The following RELT variants were observed in gnomAD, a reference collection of about 807,000 sequenced individuals.
RELT encodes the protein tumor necrosis factor receptor superfamily member 19L.
Under a neutral mutation model 51.1 loss-of-function variants are expected in RELT, and 37 were observed. That is an observed-to-expected ratio of 0.72 (90% CI 0.56 to 0.95). The LOEUF (loss-of-function observed/expected upper bound fraction) is 0.95. Among genes scored for constraint, RELT ranks in the 40% least tolerant of loss-of-function variants. The probability of loss-of-function intolerance (pLI) is 0.00; values close to 1 mark genes in which losing one functional copy is unlikely to be tolerated. For missense variants in RELT, 535 were observed against 572.6 expected, an observed-to-expected ratio of 0.93 and a Z score of 0.67; for synonymous variants, 241 against 235.7, an observed-to-expected ratio of 1.02 and a Z score of -0.21.
In RELT at chr11:73,390,890, C is replaced by G; in HGVS notation, c.256C>G (p.Arg86Gly). 2 of 1,613,392 alleles carry G rather than the reference C, an allele frequency of 1.2e-6. No homozygotes were observed. Among genetic ancestry groups the G allele is most frequent in the Non-Finnish European group, 1.7e-6 (2 of 1,179,874 alleles). ...GGAGGCCCAGGTGGGCATGGCAACT[C>G]GAGATACACTCTGTGGAGACTGCTG... ...RLEAQVGMAT[R>G]DTLCGDCWPG... The change falls in exon 4 of 11, where the codon CGA becomes GGA. Residue 86 changes from arginine (R) to glycine (G), a missense_variant. Coordinates refer to ENST00000064780, the MANE Select transcript of RELT (RefSeq NM_152222.2).
Position 73,392,969 on chromosome 11 carries a change from C to T in RELT, c.625+501C>T, listed in dbSNP as rs75172131. 2.6e-3 allele frequency: 2,610 copies of T among 1,005,064 alleles called. 56 individuals are homozygous for T. The African/African-American group carries it at 0.041, about 16-fold the overall frequency. 62.3% of individuals were successfully genotyped at this position (1,005,064 alleles called of 1,614,324 possible). A position where few individuals can be genotyped will look rare whatever the true frequency, so the allele number is the denominator to read the frequency against. ...CGGAGGGACAGGCATGCGCCACCAC[C>T]TTCACCCCCAGGGCCCCGGGCCCCT... On this transcript the variant is annotated intron_variant, in intron 6 of 10. Coordinates refer to ENST00000064780, the MANE Select transcript of RELT (RefSeq NM_152222.2).
chr11:73,394,188 G>T lies in RELT; in HGVS notation c.707-48G>T, dbSNP rs1234033297. 1 of 1,493,006 alleles carries T rather than the reference G, an allele frequency of 6.7e-7. No homozygotes were observed. Among genetic ancestry groups the T allele is most frequent in the South Asian group, 1.2e-5 (1 of 83,954 alleles). 92.5% of individuals were successfully genotyped at this position (1,493,006 alleles called of 1,614,324 possible). A position where few individuals can be genotyped will look rare whatever the true frequency, so the allele number is the denominator to read the frequency against. ...TCTCTGCTGGGGCAGGGGGTGGGAG[G>T]TGTGTCCCATATGGCCACAGTGAGG... is the stretch of plus-strand genomic sequence containing the variant. On this transcript the variant is annotated intron_variant, in intron 7 of 10. Coordinates refer to ENST00000064780, the MANE Select transcript of RELT (RefSeq NM_152222.2). The surrounding 1 kb of genome is among the most constrained non-coding windows in gnomAD (Gnocchi z 4.9).
At chr11:73,385,760 C>T (rs1866114550) in intron 1 of RELT, among the ~76,000 whole-genome samples, 1 of 152,206 alleles carries the variant, frequency 6.6e-6, no homozygotes, top group Admixed American at 6.5e-5. Context: ...GGCACAGCGG[C>T]TCACACCTGG....
At position 73,395,780 on chromosome 11, in the gene RELT, G is replaced by A. The variant is rs1866310082; in HGVS notation, c.*289G>A. 3.8e-6 allele frequency: 2 copies of A among 527,416 alleles called. No individual in the cohort carries two copies. Among genetic ancestry groups the A allele is most frequent in the South Asian group, 4.7e-5 (2 of 42,930 alleles). The allele number at this position is 527,416 out of a possible 1,614,324, so 32.7% of individuals were successfully genotyped here. A position where few individuals can be genotyped will look rare whatever the true frequency, so the allele number is the denominator to read the frequency against. On this transcript the variant is annotated 3_prime_UTR_variant, in exon 11 of 11. Coordinates refer to ENST00000064780, the MANE Select transcript of RELT (RefSeq NM_152222.2). The stretch of plus-strand genomic sequence containing the variant: ...TGCCTGCCCTGGCTGGATCCTAGGA[G>A]CCCACGGGATTCTCTGTATCATCAG...
chr11:73,387,189 T>C (rs1866137505), intron 1 of RELT, among the ~76,000 whole-genome samples: 1 of 152,170 alleles, frequency 6.6e-6, no homozygotes, highest in Admixed American at 6.5e-5. Flanking sequence ...GTGATCCACC[T>C]GCCTCTGCCT....
chr11:73,394,920 C>A lies in RELT; in HGVS notation c.1047-167C>A, dbSNP rs928118073. 12 of 893,558 alleles carry A rather than the reference C, an allele frequency of 1.3e-5. 1 individual carries two copies. In the Admixed American group the frequency reaches 2.0e-4, roughly 15 times the overall value. 55.4% of individuals were successfully genotyped at this position (893,558 alleles called of 1,614,324 possible). The stretch of plus-strand genomic sequence containing the variant: ...GACTTTCCGGTTATGTTGTGTCTCA[C>A]ATGGAGCCCTTGCATCCCTAGGGCA... On this transcript the variant is annotated intron_variant, in intron 9 of 10. Transcript: ENST00000064780. The surrounding 1 kb of genome is among the most constrained non-coding windows in gnomAD (Gnocchi z 4.9).
Position 73,388,104 on chromosome 11 carries a change from G to T in RELT, c.-25-1008G>T, listed in dbSNP as rs1866152991. On this transcript the variant is annotated intron_variant, in intron 1 of 10. Coordinates refer to ENST00000064780, the MANE Select transcript of RELT (RefSeq NM_152222.2). This position sits in a 1 kb window ranked among gnomAD's most constrained non-coding sequence, Gnocchi z 4.1. ...TTCTCCAGAGCAGGCCACCGTCTGGGCCTGGGGGCCTCAGTCTCAGACCGG... is the reference window on the plus strand; with the variant it reads ...TTCTCCAGAGCAGGCCACCGTCTGGTCCTGGGGGCCTCAGTCTCAGACCGG... Among the ~76,000 whole-genome samples, 1 of 152,208 alleles carries T rather than the reference G, an allele frequency of 6.6e-6. No homozygotes were observed. Among genetic ancestry groups the T allele is most frequent in the Non-Finnish European group, 1.5e-5 (1 of 68,030 alleles).
rs889848865 is a variant in RELT at position 73,396,399 on chromosome 11, C to T, written c.*908C>T. On this transcript the variant is annotated 3_prime_UTR_variant, in exon 11 of 11. Coordinates refer to ENST00000064780, the MANE Select transcript of RELT (RefSeq NM_152222.2). The stretch of plus-strand genomic sequence containing the variant: ...GAAGACTTGGTGGGGCTGGAGCACA[C>T]CTTGGGCCTCAGTGGTTTCTGTGTC... The T allele has an allele frequency of 3.9e-5, 6 of 152,414 alleles. No homozygotes were observed. The East Asian group carries it at 9.6e-4, about 24-fold the overall frequency. The allele number at this position is 152,414 out of a possible 1,614,324, so 9.4% of individuals were successfully genotyped here.
chr11:73,394,416 CCTGCTGGGGTCT>C lies in RELT; in HGVS notation c.789-59_789-48del. The stretch of plus-strand genomic sequence containing the variant: ...GGGTCTCCCTCAAGTCACCCTGTTC[CCTGCTGGGGTCT>C]CCTGCCCCTGGCCTGGCCTATGGCC... On this transcript the variant is annotated intron_variant, in intron 8 of 10. Transcript: ENST00000064780. This position sits in a 1 kb window ranked among gnomAD's most constrained non-coding sequence, Gnocchi z 4.9. 6.2e-7 allele frequency: 1 copy of C among 1,608,218 alleles called. No homozygotes were observed. Among genetic ancestry groups the C allele is most frequent in the Non-Finnish European group, 8.5e-7 (1 of 1,175,772 alleles).
At position 73,394,113 on chromosome 11, in the gene RELT, A is replaced by T; in HGVS notation, c.707-123A>T. On this transcript the variant is annotated intron_variant, in intron 7 of 10. Transcript: ENST00000064780. This position sits in a 1 kb window ranked among gnomAD's most constrained non-coding sequence, Gnocchi z 4.9. ...TCTTGCCTGATGAAGTGGGAGGAAA[A>T]GGCGCACAGCCCAGGCTGGGAGTGG... The T allele has an allele frequency of 9.8e-7, 1 of 1,020,094 alleles. No homozygotes were observed. The highest frequency in any genetic ancestry group is 1.6e-5 in the African/African-American group (1 of 62,630). 63.2% of individuals were successfully genotyped at this position (1,020,094 alleles called of 1,614,324 possible). A position where few individuals can be genotyped will look rare whatever the true frequency, so the allele number is the denominator to read the frequency against.
chr11:73,393,520 G>A, intron 6 of RELT: 1 of 1,278,872 alleles, frequency 7.8e-7, no homozygotes, highest in Non-Finnish European at 1.0e-6. Context: ...CTGAGGAGGA[G>A]ACAGTGCAGA....
chr11:73,384,034 C>T (rs1470469777), intron 1 of RELT, among the ~76,000 whole-genome samples: 1 of 152,150 alleles, frequency 6.6e-6, no homozygotes, highest in Non-Finnish European at 1.5e-5. Flanking sequence ...GGGAGGTCCA[C>T]AGGCTCAGGA....
rs951587258 is a variant in RELT at position 73,388,972 on chromosome 11, C to T, written c.-25-140C>T. Reference sequence around the variant, plus strand: ...GGGCCTGTGCTTGCGGGTGTGGAGCCGGCCTCCCCGGGCTCTGCCTGCCCA... The same window carrying T: ...GGGCCTGTGCTTGCGGGTGTGGAGCTGGCCTCCCCGGGCTCTGCCTGCCCA... On this transcript the variant is annotated intron_variant, in intron 1 of 10. Coordinates refer to ENST00000064780, the MANE Select transcript of RELT (RefSeq NM_152222.2). This position sits in a 1 kb window ranked among gnomAD's most constrained non-coding sequence, Gnocchi z 4.1. 8.0e-6 allele frequency: 5 copies of T among 624,152 alleles called. No individual in the cohort carries two copies. The highest frequency in any genetic ancestry group is 2.5e-5 in the Admixed American group (1 of 40,490). 38.7% of individuals were successfully genotyped at this position (624,152 alleles called of 1,614,324 possible).
In RELT at chr11:73,395,071, C is replaced by G; in HGVS notation, c.1047-16C>G. ...GATCCCCGCTAACGGGGATGATTGC[C>G]CCACTCTCCTCACAGGTTCCGCGTG... On this transcript the variant is annotated splice_polypyrimidine_tract_variant and intron_variant, in intron 9 of 10. Transcript: ENST00000064780. 1 of 1,605,874 alleles carries G rather than the reference C, an allele frequency of 6.2e-7. No homozygotes were observed. The highest frequency in any genetic ancestry group is 1.3e-5 in the African/African-American group (1 of 74,880).
intron 6 of RELT, 68 bp downstream of exon 6, chr11:73,392,536 GC>G (rs761085395): frequency 7.9e-5 from 122 of 1,549,024 alleles, no homozygotes; most frequent in Non-Finnish European, 1.0e-4. Flanking sequence ...CCACTTGGGG[GC>G]TGCCAGCGGA....
chr11:73,393,103 T>TCC, intron 6 of RELT: 16 of 996,140 alleles, frequency 1.6e-5, no homozygotes, highest in Non-Finnish European at 1.9e-5. Flanking sequence ...AAATGGCATC[T>TCC]CCCATGCTAG....
chr11:73,393,801 C>CCTCTTCCCCAGGATCAGGGCCCTT (rs749777885), intron 6 of RELT, 36 bp from the exon 7 acceptor site: 1 of 1,606,806 alleles, frequency 6.2e-7, no homozygotes, highest in Admixed American at 1.7e-5. Flanking sequence ...GCGGCTTCCC[C>CCTCTTCCCCAGGATCAGGGCCCTT]CTCTTCCCCA....
At chr11:73,385,072 A>G (rs1265032410) in intron 1 of RELT, among the ~76,000 whole-genome samples, 3 of 152,086 alleles carry the variant, frequency 2.0e-5, no homozygotes, top group Non-Finnish European at 4.4e-5. Flanking sequence ...GAGCTGGCCC[A>G]GGGCCAGGGC....
chr11:73,389,218 G>T (rs552488682), intron 2 of RELT, 37 bp downstream of exon 2: 3 of 1,451,278 alleles, frequency 2.1e-6, no homozygotes, highest in South Asian at 2.5e-5. Flanking sequence ...GAGAAAAGCC[G>T]CACCCTCAGC....
Sources: gnomAD v4.1 joint callset for allele counts (sites outside exome capture counted in the v4.1 genomes callset) on GRCh38, gnomAD v4.1.1 for gene constraint, Gnocchi (gnomAD v3.1) non-coding constraint, MANE v1.5 for transcripts, NCBI Gene and HGNC (gene_info 2026-07-23, HGNC 2026-07-21) for gene names.